Variants in LEKR1 observed in about 807,000 individuals in gnomAD.
LEKR1 encodes protein LEKR1.
Under a neutral mutation model 72.4 loss-of-function variants are expected in LEKR1, and 59 were observed. The ratio of observed to expected loss-of-function variants is 0.82; its 90% CI spans 0.66 to 1.01. LEKR1 has a LOEUF of 1.01. LEKR1 is among the 50% of genes least tolerant of loss of function. LEKR1 has a pLI of 0.00. For missense variants in LEKR1, 728 were observed against 759.2 expected (o/e 0.96, Z 0.48); for synonymous variants, 257 against 263.2 (o/e 0.98, Z 0.23).
intron 5 of LEKR1, among the ~76,000 whole-genome samples, chr3:156,932,433 A>G (rs115614094): frequency 0.012 from 1,807 of 152,264 alleles, 20 homozygotes; most frequent in Non-Finnish European, 0.018. Flanking sequence ...AAGTATATCT[A>G]TATTAGGCCA....
intron 4 of LEKR1, among the ~76,000 whole-genome samples, chr3:156,925,647 A>G (rs1480857542): frequency 1.3e-5 from 2 of 151,926 alleles, no homozygotes; most frequent in Non-Finnish European, 2.9e-5. Flanking sequence ...ACTTCCTTCC[A>G]AGGTTCTGGG....
intron 3 of LEKR1, among the ~76,000 whole-genome samples, chr3:156,856,141 A>G (rs2060015): frequency 0.51 from 77,185 of 151,994 alleles, 21,273 homozygotes; most frequent in East Asian, 0.73. Flanking sequence ...TTAATTTTGT[A>G]TATAATTTGA....
At chr3:156,984,869 A>C (rs546871629) in intron 7 of LEKR1, among the ~76,000 whole-genome samples, 3 of 152,114 alleles carry the variant, frequency 2.0e-5, no homozygotes, top group African/African-American at 7.2e-5. Flanking sequence ...TAATTTTTAA[A>C]GCTCTTACTT....
chr3:157,042,215 C>T (rs1046767598), intron 12 of LEKR1, among the ~76,000 whole-genome samples: 1 of 152,158 alleles, frequency 6.6e-6, no homozygotes, highest in Non-Finnish European at 1.5e-5. Context: ...AATTTTGGAT[C>T]CTATTTTCAA....
intron 2 of LEKR1, among the ~76,000 whole-genome samples, chr3:156,830,431 C>T (rs1712224956): frequency 6.6e-6 from 1 of 152,142 alleles, no homozygotes; most frequent in Non-Finnish European, 1.5e-5. Flanking sequence ...AGTTGAATTG[C>T]TTGATGTGTA....
At chr3:156,862,459 C>T (rs1486526681) in intron 3 of LEKR1, among the ~76,000 whole-genome samples, 3 of 151,950 alleles carry the variant, frequency 2.0e-5, no homozygotes, top group East Asian at 3.9e-4. Flanking sequence ...TATGACTTTG[C>T]CCCTTAATCT....
intron 4 of LEKR1, among the ~76,000 whole-genome samples, chr3:156,923,842 C>G (rs1028960758): frequency 1.3e-5 from 2 of 152,084 alleles, no homozygotes; most frequent in African/African-American, 4.8e-5. Flanking sequence ...ATTCTCCTGC[C>G]TCAGCCTCCC....
chr3:156,849,824 A>G (rs1371676514), intron 2 of LEKR1, among the ~76,000 whole-genome samples: 2 of 152,170 alleles, frequency 1.3e-5, no homozygotes, highest in Non-Finnish European at 2.9e-5. Flanking sequence ...AACCTAGGCA[A>G]TACCATTCAG....
intron 7 of LEKR1, among the ~76,000 whole-genome samples, chr3:156,991,292 A>T (rs923850123): frequency 3.3e-5 from 5 of 151,982 alleles, no homozygotes; most frequent in African/African-American, 4.8e-5. Context: ...TCACCAGAGT[A>T]TTCTTCTTAT....
chr3:156,861,694 TA>T (rs1473188286), intron 3 of LEKR1, among the ~76,000 whole-genome samples: 4 of 152,090 alleles, frequency 2.6e-5, no homozygotes, highest in African/African-American at 9.7e-5. Context: ...ACAGGGCCAT[TA>T]AAAAATAATT....
chr3:157,022,154 C>T (rs1265448209), intron 10 of LEKR1, among the ~76,000 whole-genome samples: 1 of 152,152 alleles, frequency 6.6e-6, no homozygotes, highest in Admixed American at 6.6e-5. Flanking sequence ...CTCATCAAGT[C>T]CTATGACTGG....
At chr3:157,032,075 G>C (rs556222971) in intron 12 of LEKR1, among the ~76,000 whole-genome samples, 1 of 152,110 alleles carries the variant, frequency 6.6e-6, no homozygotes, top group East Asian at 1.9e-4. Context: ...GGGAGGGAGA[G>C]AGAGTGAGAG....
At chr3:156,962,476 C>T (rs1415090306) in intron 6 of LEKR1, among the ~76,000 whole-genome samples, 1 of 152,148 alleles carries the variant, frequency 6.6e-6, no homozygotes, top group Non-Finnish European at 1.5e-5. Context: ...AATTGCAAGC[C>T]AGGCAGTATT....
At chr3:156,870,044 A>G (rs911235280) in intron 3 of LEKR1, among the ~76,000 whole-genome samples, 2 of 152,034 alleles carry the variant, frequency 1.3e-5, no homozygotes, top group African/African-American at 2.4e-5. Context: ...TGGATTTTCT[A>G]TGCTGTTCTC....
chr3:157,006,029 C>T (rs1269315826), intron 9 of LEKR1, among the ~76,000 whole-genome samples: 1 of 149,294 alleles, frequency 6.7e-6, no homozygotes, highest in Non-Finnish European at 1.5e-5. Flanking sequence ...GACGGAGTCT[C>T]GCTCTGTCGC....
At chr3:156,895,485 C>T (rs990834843) in intron 3 of LEKR1, among the ~76,000 whole-genome samples, 1 of 152,028 alleles carries the variant, frequency 6.6e-6, no homozygotes, top group African/African-American at 2.4e-5. Flanking sequence ...GTGGCTCATG[C>T]CTATAGTCCC....
chr3:156,861,291 G>C (rs981545014), intron 3 of LEKR1, among the ~76,000 whole-genome samples: 3 of 152,036 alleles, frequency 2.0e-5, no homozygotes, highest in African/African-American at 7.2e-5. Flanking sequence ...TCTCATCCAG[G>C]CTTCTGCTTT....
chr3:156,917,256 C>G (rs1033882711), intron 3 of LEKR1, among the ~76,000 whole-genome samples: 1 of 151,990 alleles, frequency 6.6e-6, no homozygotes, highest in Admixed American at 6.6e-5. Context: ...GAGATCTGTT[C>G]AGGAAATTCC....
intron 6 of LEKR1, among the ~76,000 whole-genome samples, chr3:156,963,327 A>T (rs1728285313): frequency 2.0e-5 from 3 of 151,884 alleles, no homozygotes. Context: ...TCCTTCCCTA[A>T]CACCTACGTG....
Sources: gnomAD v4.1 joint callset for allele counts (sites outside exome capture counted in the v4.1 genomes callset) on GRCh38, gnomAD v4.1.1 for gene constraint, MANE v1.5 for transcripts, NCBI Gene and HGNC (gene_info 2026-07-23, HGNC 2026-07-21) for gene names.